Variants in OGFR observed in about 807,000 individuals in gnomAD.
OGFR encodes opioid growth factor receptor, also known as protein 7-60.
Under a neutral mutation model 33.6 loss-of-function variants are expected in OGFR, and 18 were observed. The observed-to-expected ratio is 0.54, with a 90% CI of 0.37 to 0.80. OGFR has a LOEUF of 0.80. Among genes scored for constraint, OGFR ranks in the 30% least tolerant of loss-of-function variants. The pLI, the probability that OGFR is intolerant of heterozygous loss-of-function variation, is 0.00. For missense variants in OGFR, 877 were observed against 955.8 expected, an observed-to-expected ratio of 0.92 and a Z score of 1.09; for synonymous variants, 370 against 400.7, an observed-to-expected ratio of 0.92 and a Z score of 0.91.
intron 1 of OGFR, chr20:62,805,888 T>A (rs925651708): frequency 2.6e-5 from 4 of 152,430 alleles, no homozygotes; most frequent in Admixed American, 2.6e-4. Flanking sequence ...CTTTCCTCAC[T>A]GGAGTTCCTC....
At chr20:62,805,296 G>T (rs1412672084) in intron 1 of OGFR, among the ~76,000 whole-genome samples, 1 of 151,594 alleles carries the variant, frequency 6.6e-6, no homozygotes, top group Non-Finnish European at 1.5e-5. Flanking sequence ...CCTCGGGCGC[G>T]TCCCGCCCCC....
At position 62,813,802 on chromosome 20, in the gene OGFR, AC is replaced by A; in HGVS notation, c.*155del. On this transcript the variant is annotated 3_prime_UTR_variant, in exon 7 of 7. Coordinates refer to ENST00000290291, the MANE Select transcript of OGFR (RefSeq NM_007346.4). Reference sequence around the variant, plus strand: ...CTCCTGTGGGGCCACTATAGCAGCCACCAGAAGCCGCGAGGCCCTCAGGGAA... The same window carrying A: ...CTCCTGTGGGGCCACTATAGCAGCCACAGAAGCCGCGAGGCCCTCAGGGAA... The A allele has an allele frequency of 1.1e-6, 1 of 903,026 alleles. No homozygotes were observed. The highest frequency in any genetic ancestry group is 1.7e-6 in the Non-Finnish European group (1 of 590,218). 55.9% of individuals were successfully genotyped at this position (903,026 alleles called of 1,614,324 possible). A position where few individuals can be genotyped will look rare whatever the true frequency, so the allele number is the denominator to read the frequency against.
chr20:62,811,624 G>GCGGGCGCC lies in OGFR; in HGVS notation c.614+15_614+16insGGGCGCCC. ...GAACCTGAACTGGTGAGGCCCGGCT[G>GCGGGCGCC]CTCCCGCCCACCCCCACCCCGGCGC... On this transcript the variant is annotated intron_variant, in intron 6 of 6. Transcript: ENST00000290291. 2 of 1,551,480 alleles carry GCGGGCGCC rather than the reference G, an allele frequency of 1.3e-6. No homozygotes were observed. The highest frequency in any genetic ancestry group is 1.7e-6 in the Non-Finnish European group (2 of 1,147,378).
In OGFR at chr20:62,812,307, C is replaced by T. The variant is rs1281729415; in HGVS notation, c.692C>T (p.Pro231Leu). The stretch of plus-strand genomic sequence containing the variant: ...CTGGGCCTCGAGCACTTCCAGGCGC[C>T]GCTGGTCCGCTTCTTCCTGGAGGAG... ...GELGLEHFQA[P>L]LVRFFLEETL... The change falls in exon 7 of 7, where the codon CCG becomes CTG. Residue 231 changes from proline (P) to leucine (L), a missense_variant. This residue lies in a region of OGFR where 760 missense variants were observed against 736.0 expected (regional missense o/e 1.03). Transcript: ENST00000290291. 3.9e-6 allele frequency: 6 copies of T among 1,553,684 alleles called. No homozygotes were observed. The highest frequency in any genetic ancestry group is 1.4e-5 in the African/African-American group (1 of 73,360).
At chr20:62,806,297 C>T (rs1030130053) in intron 1 of OGFR, 3 of 152,240 alleles carry the variant, frequency 2.0e-5, no homozygotes, top group African/African-American at 7.2e-5. Flanking sequence ...AATCCCAGCA[C>T]TTTCGGAGGC....
intron 6 of OGFR, 124 bp downstream of exon 6, chr20:62,811,734 A>G: frequency 1.8e-6 from 2 of 1,101,754 alleles, no homozygotes; most frequent in Non-Finnish European, 2.5e-6. Flanking sequence ...CAATGGACCA[A>G]GGCCCTGAGT....
chr20:62,812,100 G>A, intron 6 of OGFR, 130 bp from the exon 7 acceptor site: 1 of 786,474 alleles, frequency 1.3e-6, no homozygotes, highest in East Asian at 2.8e-5. Context: ...GGTAAATGGA[G>A]AGAGAGACTG....
At position 62,808,247 on chromosome 20, in the gene OGFR, G is replaced by A. The variant is rs1314143851; in HGVS notation, c.241G>A (p.Asp81Asn). 1.2e-6 allele frequency: 2 copies of A among 1,612,386 alleles called. No homozygotes were observed. The highest frequency in any genetic ancestry group is 1.7e-5 in the Admixed American group (1 of 60,026). Residue 81 changes from aspartate to asparagine, a missense_variant and splice_region_variant, in exon 3 of 7, where the codon GAT (aspartate) becomes AAT (asparagine). By Grantham distance (23) the Asp-to-Asn change is conservative. Transcript: ENST00000290291. ...DMCRYRHNYP[D>N]LVERDCNGDT... The stretch of plus-strand genomic sequence containing the variant: ...CTGTCCCCTTTCTCTGGCTCTTCAG[G>A]ATCTGGTGGAACGAGACTGCAATGG...
chr20:62,811,681 C>T lies in OGFR; in HGVS notation c.614+71C>T, dbSNP rs553269157. 38 of 1,418,880 alleles carry T rather than the reference C, an allele frequency of 2.7e-5. No individual in the cohort carries two copies. In the East Asian group the frequency reaches 8.6e-4, roughly 32 times the overall value. The allele number at this position is 1,418,880 out of a possible 1,614,324, so 87.9% of individuals were successfully genotyped here. A position where few individuals can be genotyped will look rare whatever the true frequency, so the allele number is the denominator to read the frequency against. On this transcript the variant is annotated intron_variant, in intron 6 of 6. Transcript: ENST00000290291. ...GGGCCACGTCAGGTTTCGGGCAGGT[C>T]ACAGAGCGCTGCTGCAGACGGAGAA...
chr20:62,812,849 C>T lies in OGFR; in HGVS notation c.1234C>T (p.Leu412=), dbSNP rs1449158191. ...TGCCTCAGAGGTGGAGAAGATCGCT[C>T]TGAATTTGGAGGGGTGTGCCCTCAG... ...QSASEVEKIA[L]NLEGCALSQG... is the part of the protein sequence containing the mutation. The change falls in exon 7 of 7, where the codon CTG becomes TTG. Residue 412 remains leucine (L), a synonymous_variant. Coordinates refer to ENST00000290291, the MANE Select transcript of OGFR (RefSeq NM_007346.4). The T allele has an allele frequency of 1.9e-6, 3 of 1,612,772 alleles. No homozygotes were observed. Among genetic ancestry groups the T allele is most frequent in the East Asian group, 4.5e-5 (2 of 44,876 alleles).
In OGFR at chr20:62,812,834, G is replaced by A. The variant is rs765343504; in HGVS notation, c.1219G>A (p.Val407Met). 3 of 1,612,806 alleles carry A rather than the reference G, an allele frequency of 1.9e-6. No homozygotes were observed. The highest frequency in any genetic ancestry group is 2.2e-5 in the East Asian group (1 of 44,884). Residue 407 changes from valine (V) to methionine (M), a missense_variant, in exon 7 of 7, where the codon GTG becomes ATG. Val to Met is a conservative substitution (Grantham distance 21, BLOSUM62 1). Transcript: ENST00000290291. ...GCCAGGCCCTCAGAGTGCCTCAGAG[G>A]TGGAGAAGATCGCTCTGAATTTGGA... ...TEPGPQSASEVEKIALNLEGC... is the reference protein window; with the variant it reads ...TEPGPQSASEMEKIALNLEGC...
In OGFR at chr20:62,813,083, C is replaced by T. The variant is rs1196346603; in HGVS notation, c.1468C>T (p.His490Tyr). The change falls in exon 7 of 7, where the codon CAC becomes TAC. Residue 490 changes from histidine to tyrosine, a missense_variant. Physicochemically the swap from His to Tyr is moderately conservative, Grantham distance 83. Around this residue, in one of 3 missense-constraint regions of OGFR, gnomAD observed 760 missense variants for 736.0 expected, o/e 1.03. Coordinates refer to ENST00000290291, the MANE Select transcript of OGFR (RefSeq NM_007346.4). ...TGCCGGGTCCCCTGCCCCATCGGGGCACCCCAAGGCTGGACACAGTGAGAA... is the reference window on the plus strand; with the variant it reads ...TGCCGGGTCCCCTGCCCCATCGGGGTACCCCAAGGCTGGACACAGTGAGAA... ...ALAGSPAPSG[H>Y]PKAGHSENGV... The T allele has an allele frequency of 6.3e-7, 1 of 1,578,766 alleles. No homozygotes were observed. The highest frequency in any genetic ancestry group is 1.1e-5 in the South Asian group (1 of 87,446).
Position 62,812,846 on chromosome 20 carries a change from G to C in OGFR, c.1231G>C (p.Ala411Pro), listed in dbSNP as rs564432812. 6.2e-7 allele frequency: 1 copy of C among 1,612,738 alleles called. No individual in the cohort carries two copies. The highest frequency in any genetic ancestry group is 1.1e-5 in the South Asian group (1 of 91,084). The change falls in exon 7 of 7, where the codon GCT becomes CCT. Residue 411 changes from alanine to proline, a missense_variant. Transcript: ENST00000290291. The part of the protein sequence containing the change: ...PQSASEVEKI[A>P]LNLEGCALSQ... ...GAGTGCCTCAGAGGTGGAGAAGATCGCTCTGAATTTGGAGGGGTGTGCCCT... is the reference window on the plus strand; with the variant it reads ...GAGTGCCTCAGAGGTGGAGAAGATCCCTCTGAATTTGGAGGGGTGTGCCCT...
At chr20:62,809,305 T>G (rs375909567) in intron 3 of OGFR, among the ~76,000 whole-genome samples, 1 of 152,094 alleles carries the variant, frequency 6.6e-6, no homozygotes, top group African/African-American at 2.4e-5. Context: ...GGACCAGTGG[T>G]TCCCCCAGAG....
chr20:62,807,423 C>T (rs975553712), intron 1 of OGFR, 114 bp from the exon 2 acceptor site: 7 of 870,468 alleles, frequency 8.0e-6, no homozygotes, highest in African/African-American at 3.4e-5. Context: ...ATGAAACCCC[C>T]GCCCTTTAAA....
At chr20:62,812,144 CCG>C in intron 6 of OGFR, 84 bp from the exon 7 acceptor site, 1 of 1,209,594 alleles carries the variant, frequency 8.3e-7, no homozygotes, top group Non-Finnish European at 1.1e-6. Context: ...CCTCGTGGAG[CCG>C]GGTGGGAGGG....
At chr20:62,808,451 T>C (rs1990646929) in intron 3 of OGFR, 126 bp downstream of exon 3, 2 of 709,936 alleles carry the variant, frequency 2.8e-6, no homozygotes, top group Non-Finnish European at 4.9e-6. Context: ...AGCCCCACAG[T>C]GCCCCCTGGA....
At chr20:62,807,928 C>A in intron 2 of OGFR, 2 of 599,740 alleles carry the variant, frequency 3.3e-6, no homozygotes. Flanking sequence ...CATGCCAGCC[C>A]TGTCTCCTGC....
rs761598963 is a variant in OGFR, at chr20:62,811,617, C to T, written c.614+7C>T. 3 of 1,556,872 alleles carry T rather than the reference C, an allele frequency of 1.9e-6. No individual in the cohort carries two copies. The South Asian group carries it at 3.6e-5, about 18-fold the overall frequency. On this transcript the variant is annotated splice_region_variant and intron_variant, in intron 6 of 6. Coordinates refer to ENST00000290291, the MANE Select transcript of OGFR (RefSeq NM_007346.4). ...GCTTCCAGAACCTGAACTGGTGAGG[C>T]CCGGCTGCTCCCGCCCACCCCCACC...
Sources: gnomAD v4.1 joint callset for allele counts (sites outside exome capture counted in the v4.1 genomes callset) on GRCh38, gnomAD v4.1.1 for gene constraint, gnomAD v4.1.1 regional missense constraint, MANE v1.5 for transcripts, NCBI Gene and HGNC (gene_info 2026-07-23, HGNC 2026-07-21) for gene names.